The following ADGRB1 variants were observed in gnomAD, a reference collection of about 807,000 sequenced individuals.
ADGRB1 encodes the protein adhesion G protein-coupled receptor B1, also known as brain-specific angiogenesis inhibitor 1.
Under a neutral mutation model 175.7 loss-of-function variants are expected in ADGRB1, and 36 were observed. The observed-to-expected ratio is 0.20, with a 90% CI of 0.16 to 0.27. The LOEUF is 0.27. ADGRB1 is among the 10% of genes least tolerant of loss of function. The pLI is 1.00. For missense variants in ADGRB1, 1,731 were observed against 2,255.3 expected, an observed-to-expected ratio of 0.77 and a Z score of 4.71; for synonymous variants, 1,054 against 979.4, an observed-to-expected ratio of 1.08 and a Z score of -1.42.
intron 23 of ADGRB1, 28 bp from the exon 24 acceptor site, chr8:142,526,514 C>G (rs539289506): frequency 1.5e-6 from 2 of 1,373,142 alleles, no homozygotes; most frequent in South Asian, 1.2e-5. Flanking sequence ...CCCCCACCCC[C>G]ACACCCCCAC....
intron 12 of ADGRB1, among the ~76,000 whole-genome samples, chr8:142,484,409 C>T (rs77976235): frequency 0.017 from 2,640 of 152,346 alleles, 87 homozygotes; most frequent in African/African-American, 0.061. Context: ...GGGCAGCACC[C>T]GGCATGGGGG....
chr8:142,463,306 G>A (rs1006453070), intron 1 of ADGRB1, among the ~76,000 whole-genome samples: 14 of 152,196 alleles, frequency 9.2e-5, no homozygotes, highest in Non-Finnish European at 1.5e-5. Context: ...AGGCTGCAGA[G>A]GGCAGTCTTG....
In ADGRB1 at chr8:142,477,375, C is replaced by A; in HGVS notation, c.1223-10C>A. The stretch of plus-strand genomic sequence containing the variant: ...CGCAGTGGGCAGCAGCACCTTCCGT[C>A]CCTCTGCAGTGCATGGTGCCTGGGA... On this transcript the variant is annotated splice_polypyrimidine_tract_variant and intron_variant, in intron 5 of 30. Coordinates refer to ENST00000517894, the MANE Select transcript of ADGRB1 (RefSeq NM_001702.3). The A allele has an allele frequency of 6.2e-7, 1 of 1,605,010 alleles. No individual in the cohort carries two copies. Among genetic ancestry groups the A allele is most frequent in the East Asian group, 2.2e-5 (1 of 44,806 alleles).
chr8:142,485,619 G>A (rs977294509), intron 13 of ADGRB1, among the ~76,000 whole-genome samples: 4 of 152,228 alleles, frequency 2.6e-5, no homozygotes, highest in African/African-American at 9.6e-5. Flanking sequence ...AGGATCAGCT[G>A]AGCTTTGTCA....
At chr8:142,469,985 C>T (rs900276111) in intron 2 of ADGRB1, among the ~76,000 whole-genome samples, 2 of 152,200 alleles carry the variant, frequency 1.3e-5, no homozygotes, top group Admixed American at 1.3e-4. Flanking sequence ...ATGTCCCTAG[C>T]AGGCAACACA....
chr8:142,469,461 G>A (rs1375852391), intron 2 of ADGRB1, among the ~76,000 whole-genome samples: 2 of 149,866 alleles, frequency 1.3e-5, no homozygotes, highest in East Asian at 2.0e-4. Context: ...GTGAATGTGT[G>A]TATGCACGTG....
chr8:142,524,835 C>T (rs756608030), intron 23 of ADGRB1, among the ~76,000 whole-genome samples: 4 of 152,090 alleles, frequency 2.6e-5, no homozygotes, highest in Non-Finnish European at 5.9e-5. Flanking sequence ...GCAGGTGGCA[C>T]GCAGGGTCAC....
intron 24 of ADGRB1, among the ~76,000 whole-genome samples, chr8:142,527,806 T>C (rs1358671586): frequency 1.3e-5 from 2 of 152,246 alleles, no homozygotes; most frequent in African/African-American, 2.4e-5. Context: ...TTTTGTTTGC[T>C]TCTTAGAATA....
intron 2 of ADGRB1, among the ~76,000 whole-genome samples, chr8:142,475,237 C>T (rs1270612014): frequency 6.6e-6 from 1 of 152,200 alleles, no homozygotes; most frequent in Non-Finnish European, 1.5e-5. Flanking sequence ...CAAACCTGCC[C>T]AGTGGCGGCT....
rs1205388510 is a variant in ADGRB1, at chr8:142,518,282, C to T, written c.2921+41C>T. 2.5e-6 allele frequency: 4 copies of T among 1,599,352 alleles called. No homozygotes were observed. The African/African-American group carries it at 4.0e-5, about 16-fold the overall frequency. On this transcript the variant is annotated intron_variant, in intron 19 of 30. Coordinates refer to ENST00000517894, the MANE Select transcript of ADGRB1 (RefSeq NM_001702.3). ...GTGCTGGGCATGCATGTCTGTGGCT[C>T]CTGCATCACACGCCTCTTCCCTTGA...
intron 16 of ADGRB1, 84 bp from the exon 17 acceptor site, chr8:142,490,688 C>G (rs920435493): frequency 6.8e-7 from 1 of 1,462,992 alleles, no homozygotes; most frequent in African/African-American, 1.4e-5. Flanking sequence ...TGGTAGCACA[C>G]CTTTAGGTGG....
chr8:142,480,590 T>C (rs1462181477), intron 9 of ADGRB1, among the ~76,000 whole-genome samples: 1 of 152,204 alleles, frequency 6.6e-6, no homozygotes, highest in African/African-American at 2.4e-5. Context: ...CCCTGGCCTT[T>C]GGTCTGCATG....
intron 17 of ADGRB1, among the ~76,000 whole-genome samples, chr8:142,502,233 ATGGTGATGGTGG>A (rs1842616703): frequency 6.5e-5 from 1 of 15,350 alleles, no homozygotes; most frequent in Non-Finnish European, 1.4e-4. Flanking sequence ...GATAGTGGTG[ATGGTGATGGTGG>A]TGGTGCTGGT....
intron 17 of ADGRB1, among the ~76,000 whole-genome samples, chr8:142,491,757 CCGAG>C (rs1841992556): frequency 6.6e-6 from 1 of 152,200 alleles, no homozygotes; most frequent in Admixed American, 6.5e-5. Context: ...CTTTCCCGGG[CCGAG>C]TGTGTGCGGT....
Position 142,502,434 on chromosome 8 carries a change from GGTA to G in ADGRB1, c.2676-8495_2676-8493del, listed in dbSNP as rs1385589465. On this transcript the variant is annotated intron_variant, in intron 17 of 30. Coordinates refer to ENST00000517894, the MANE Select transcript of ADGRB1 (RefSeq NM_001702.3). The stretch of plus-strand genomic sequence containing the variant: ...TGGTGGTGGTGATGGTGGTGGTGGT[GGTA>G]GTGGTGGTGATGATGGGGTGGTGCA... Among the ~76,000 whole-genome samples, 12 of 5,592 alleles carry G rather than the reference GGTA, an allele frequency of 2.1e-3. 1 individual carries two copies. Among genetic ancestry groups the G allele is most frequent in the East Asian group, 7.8e-3 (2 of 256 alleles). 3.7% of individuals were successfully genotyped at this position (5,592 alleles called of 152,430 possible).
Position 142,504,305 on chromosome 8 carries a change from C to G in ADGRB1, c.2676-6627C>G, listed in dbSNP as rs1312391466. Among the ~76,000 whole-genome samples the G allele has an allele frequency of 6.6e-6, 1 of 152,166 alleles. No individual in the cohort carries two copies. Among genetic ancestry groups the G allele is most frequent in the Non-Finnish European group, 1.5e-5 (1 of 68,012 alleles). The stretch of plus-strand genomic sequence containing the variant: ...GCCCTGGAGGGGGAGGCTAATCACA[C>G]AGGATGCGGGGCCTGTGGCCAGGGG... On this transcript the variant is annotated intron_variant, in intron 17 of 30. Transcript: ENST00000517894. The surrounding 1 kb of genome is among the most constrained non-coding windows in gnomAD (Gnocchi z 5.6).
At chr8:142,503,714 A>C (rs1381771061) in intron 17 of ADGRB1, among the ~76,000 whole-genome samples, 1 of 152,124 alleles carries the variant, frequency 6.6e-6, no homozygotes, top group Non-Finnish European at 1.5e-5. Flanking sequence ...CCTCTTCAGG[A>C]GCTCCATTCT....
Position 142,477,208 on chromosome 8 carries a change from C to T in ADGRB1, c.1152C>T (p.Ser384=). The part of the protein sequence containing the change: ...WQTRTRFCVS[S]SYSTQCSGPL... ...CCCGCACGCGCTTCTGCGTGTCCTC[C>T]TCCTACAGCACGCAGTGCAGCGGAC... is the stretch of plus-strand genomic sequence containing the variant. The change falls in exon 5 of 31, where the codon TCC becomes TCT. Residue 384 remains serine, a synonymous_variant. Coordinates refer to ENST00000517894, the MANE Select transcript of ADGRB1 (RefSeq NM_001702.3). 6.3e-7 allele frequency: 1 copy of T among 1,598,558 alleles called. No homozygotes were observed. The highest frequency in any genetic ancestry group is 2.1e-4 in the Middle Eastern group (1 of 4,780).
Position 142,484,688 on chromosome 8 carries a change from G to T in ADGRB1, c.2232G>T (p.Leu744=). 1 of 1,611,870 alleles carries T rather than the reference G, an allele frequency of 6.2e-7. No individual in the cohort carries two copies. Among genetic ancestry groups the T allele is most frequent in the Non-Finnish European group, 8.5e-7 (1 of 1,179,266 alleles). Residue 744 remains leucine, a synonymous_variant, in exon 13 of 31, where the codon CTG becomes CTT. Coordinates refer to ENST00000517894, the MANE Select transcript of ADGRB1 (RefSeq NM_001702.3). ...CCAACGCCAAGGAGCTGTTCCGGCT[G>T]GTGGAGGACTTTGTGGACGTCATCG... ...AGPNAKELFR[L]VEDFVDVIGF... is the part of the protein sequence containing the mutation.
Sources: allele counts gnomAD v4.1 joint callset (sites outside exome capture counted in the v4.1 genomes callset), GRCh38; gene constraint gnomAD v4.1.1; non-coding constraint Gnocchi (gnomAD v3.1); transcripts MANE v1.5; gene names NCBI Gene and HGNC (gene_info 2026-07-23, HGNC 2026-07-21).